Variants in CAB39L observed in about 807,000 individuals in gnomAD.
CAB39L encodes the protein calcium-binding protein 39-like.
Under a neutral mutation model 39.1 loss-of-function variants are expected in CAB39L, and 23 were observed. The observed-to-expected ratio is 0.59, with a 90% CI of 0.42 to 0.83. The LOEUF (loss-of-function observed/expected upper bound fraction) is 0.83, where lower values mean the gene tolerates loss of function less well. CAB39L is among the 40% of genes least tolerant of loss of function. The probability of loss-of-function intolerance (pLI) is 0.00; values close to 1 mark genes in which losing one functional copy is unlikely to be tolerated. For synonymous variants in CAB39L, 126 were observed against 137.2 expected (o/e 0.92, Z 0.57); for missense variants, 366 against 391.9 (o/e 0.93, Z 0.56).
At chr13:49,399,076 T>A (rs1323997487) in intron 3 of CAB39L, among the ~76,000 whole-genome samples, 1 of 152,104 alleles carries the variant, frequency 6.6e-6, no homozygotes, top group Non-Finnish European at 1.5e-5. Context: ...GAAAAACGTG[T>A]GCCCCTAAGC....
intron 3 of CAB39L, among the ~76,000 whole-genome samples, chr13:49,411,147 G>A (rs1188383512): frequency 6.6e-6 from 1 of 151,982 alleles, no homozygotes; most frequent in African/African-American, 2.4e-5. Flanking sequence ...GGTGACTTGT[G>A]TCTGTAATCC....
intron 3 of CAB39L, among the ~76,000 whole-genome samples, chr13:49,399,549 A>G (rs1410333933): frequency 2.0e-5 from 3 of 152,120 alleles, no homozygotes. Flanking sequence ...TTAGACTATA[A>G]TAAACGCCCA....
At chr13:49,434,309 A>G in intron 1 of CAB39L, 86 bp from the exon 2 acceptor site, 2 of 376,154 alleles carry the variant, frequency 5.3e-6, no homozygotes, top group Non-Finnish European at 1.0e-5. Context: ...GTAACTGGCT[A>G]ATCTGAAGCA....
At chr13:49,397,835 ACTGAAATT>A in intron 3 of CAB39L, among the ~76,000 whole-genome samples, 1 of 152,130 alleles carries the variant, frequency 6.6e-6, no homozygotes, top group Non-Finnish European at 1.5e-5. Flanking sequence ...ATTAGATCTT[ACTGAAATT>A]AACAAATGGT....
At chr13:49,382,174 A>G (rs1956264683) in intron 4 of CAB39L, among the ~76,000 whole-genome samples, 1 of 152,042 alleles carries the variant, frequency 6.6e-6, no homozygotes, top group African/African-American at 2.4e-5. Flanking sequence ...TACTTGCAAA[A>G]AAGCCATTTT....
chr13:49,362,010 TA>T (rs1469994524), intron 5 of CAB39L, among the ~76,000 whole-genome samples: 4 of 152,160 alleles, frequency 2.6e-5, no homozygotes, highest in East Asian at 1.9e-4. Flanking sequence ...TTCTTTTTGT[TA>T]TTTTTTTTCT....
intron 6 of CAB39L, among the ~76,000 whole-genome samples, chr13:49,357,201 G>A (rs1955510048): frequency 6.6e-6 from 1 of 152,158 alleles, no homozygotes; most frequent in Non-Finnish European, 1.5e-5. Context: ...TAAGGAACAT[G>A]GGATTTAGTG....
rs1382594428 is a variant in CAB39L, at chr13:49,442,798, A to AAAAC, written c.-246+1187_-246+1188insGTTT. 3.0e-3 allele frequency among the ~76,000 whole-genome samples: 389 copies of AAAAC among 128,270 alleles called. 2 individuals carry two copies. Among genetic ancestry groups the AAAAC allele is most frequent in the African/African-American group, 0.012 (375 of 31,024 alleles). The allele number at this position is 128,270 out of a possible 152,430, so 84.2% of individuals were successfully genotyped here. A position where few individuals can be genotyped will look rare whatever the true frequency, so the allele number is the denominator to read the frequency against. On this transcript the variant is annotated intron_variant, in intron 1 of 10. Transcript: ENST00000409308. The stretch of plus-strand genomic sequence containing the variant: ...AAGAGACTCCATCTCAAAAAAAAAA[A>AAAAC]AAAAAAAAAAAAAAAAAAAAACATC...
chr13:49,390,721 A>C (rs760466811), intron 3 of CAB39L, among the ~76,000 whole-genome samples: 5 of 152,220 alleles, frequency 3.3e-5, no homozygotes, highest in Non-Finnish European at 5.9e-5. Flanking sequence ...CATGCAATGC[A>C]ATAGAATAGC....
Position 49,381,738 on chromosome 13 carries a change from C to A in CAB39L, c.111+1062G>T, listed in dbSNP as rs117233135. ...CTAATGTTCCACACTAATGCCTATA[C>A]CACAACTTTTTTATTGGTTCTACTG... On this transcript the variant is annotated intron_variant, in intron 4 of 10. Transcript: ENST00000409308. Among the ~76,000 whole-genome samples the A allele has an allele frequency of 5.2e-3, 786 of 152,248 alleles. 6 individuals carry two copies. The highest frequency in any genetic ancestry group is 5.8e-3 in the Non-Finnish European group (395 of 68,012).
intron 10 of CAB39L, among the ~76,000 whole-genome samples, chr13:49,314,475 T>C (rs1007752306): frequency 2.6e-5 from 4 of 152,162 alleles, no homozygotes; most frequent in Middle Eastern, 3.4e-3. Context: ...CTAATTCTGG[T>C]CAACTGTACA....
At chr13:49,426,698 T>C (rs1241692097) in intron 3 of CAB39L, among the ~76,000 whole-genome samples, 3 of 152,318 alleles carry the variant, frequency 2.0e-5, no homozygotes, top group Admixed American at 6.5e-5. Context: ...GTGGTGGGAT[T>C]ACAGGAGTGA....
At chr13:49,404,778 A>G (rs530978887) in intron 3 of CAB39L, among the ~76,000 whole-genome samples, 2 of 152,356 alleles carry the variant, frequency 1.3e-5, no homozygotes, top group South Asian at 4.1e-4. Flanking sequence ...TGAAAAATTT[A>G]ATTGACAAAC....
intron 6 of CAB39L, among the ~76,000 whole-genome samples, chr13:49,355,804 CA>C (rs1290573660): frequency 3.3e-5 from 5 of 151,352 alleles, no homozygotes; most frequent in African/African-American, 9.7e-5. Flanking sequence ...TATATAAAGG[CA>C]GGGGGAGGGA....
intron 5 of CAB39L, among the ~76,000 whole-genome samples, chr13:49,375,807 G>GAAAAA: frequency 6.9e-6 from 1 of 145,696 alleles, no homozygotes; most frequent in African/African-American, 2.5e-5. Flanking sequence ...TAAAAAAATT[G>GAAAAA]AAAAAAAAAA....
chr13:49,414,971 G>A (rs1392841728), intron 3 of CAB39L, among the ~76,000 whole-genome samples: 2 of 151,748 alleles, frequency 1.3e-5, no homozygotes, highest in African/African-American at 2.4e-5. Flanking sequence ...AGGTGGAGGT[G>A]GATCACTTGA....
At chr13:49,377,911 C>T (rs1367800417) in intron 4 of CAB39L, among the ~76,000 whole-genome samples, 1 of 78,122 alleles carries the variant, frequency 1.3e-5, no homozygotes, top group African/African-American at 7.8e-5. Context: ...AAGTGAGGAG[C>T]GCCTCTTCCC....
intron 5 of CAB39L, among the ~76,000 whole-genome samples, chr13:49,363,066 T>C (rs1490322645): frequency 6.6e-6 from 1 of 152,150 alleles, no homozygotes; most frequent in Non-Finnish European, 1.5e-5. Flanking sequence ...ATTTGATCAA[T>C]ACTAGACCCA....
At chr13:49,433,556 C>T (rs1957360552) in intron 2 of CAB39L, among the ~76,000 whole-genome samples, 163 bp from the exon 3 acceptor site, 1 of 152,172 alleles carries the variant, frequency 6.6e-6, no homozygotes, top group African/African-American at 2.4e-5. Context: ...ATCCCAATAA[C>T]TCAAGTGGCA....
Sources: gnomAD v4.1 joint callset for allele counts (sites outside exome capture counted in the v4.1 genomes callset) on GRCh38, gnomAD v4.1.1 for gene constraint, MANE v1.5 for transcripts, NCBI Gene and HGNC (gene_info 2026-07-23, HGNC 2026-07-21) for gene names.